Variants in NBAS observed in about 807,000 individuals in gnomAD.
NBAS encodes the protein NAG/BC035112 fusion.
Under a neutral mutation model 302.5 loss-of-function variants are expected in NBAS, and 219 were observed. The ratio of observed to expected loss-of-function variants is 0.72; its 90% confidence interval spans 0.65 to 0.81. The LOEUF is 0.81. NBAS is among the 30% of genes least tolerant of loss of function. The probability of loss-of-function intolerance (pLI) is 0.00; values close to 1 mark genes in which losing one functional copy is unlikely to be tolerated. For synonymous variants in NBAS, 1,118 were observed against 1,021.6 expected (o/e 1.09, Z -1.80); for missense variants, 2,932 against 2,841.6 (o/e 1.03, Z -0.72).
chr2:14,863,924 C>T, the NBAS span, among the ~76,000 whole-genome samples: 1 of 152,186 alleles, frequency 6.6e-6, no homozygotes. Flanking sequence ...CATATCAGTT[C>T]TTCCAGTGAG....
intron 35 of NBAS, among the ~76,000 whole-genome samples, chr2:15,336,607 C>T (rs1410494404): frequency 6.6e-6 from 1 of 151,968 alleles, no homozygotes; most frequent in Admixed American, 6.6e-5. Flanking sequence ...GCACACACCA[C>T]TAATCCCAGC....
chr2:15,444,895 CATG>C (rs1400351660), intron 21 of NBAS, among the ~76,000 whole-genome samples: 2 of 151,820 alleles, frequency 1.3e-5, no homozygotes, highest in Non-Finnish European at 2.9e-5. Flanking sequence ...CCAAAAAACA[CATG>C]AAAAAATGCT....
At chr2:15,014,251 A>G in the NBAS span, among the ~76,000 whole-genome samples, 2 of 152,202 alleles carry the variant, frequency 1.3e-5, no homozygotes, top group Non-Finnish European at 2.9e-5. Flanking sequence ...ACAGAAAATC[A>G]ACAAAGAAAC....
At chr2:15,512,888 A>G (rs1662210578) in intron 9 of NBAS, among the ~76,000 whole-genome samples, 1 of 152,162 alleles carries the variant, frequency 6.6e-6, no homozygotes, top group Non-Finnish European at 1.5e-5. Flanking sequence ...AAATGAATAT[A>G]TACCTTTTTT....
At chr2:15,189,545 A>AAGC (rs1262365737) in intron 49 of NBAS, among the ~76,000 whole-genome samples, 2 of 144,880 alleles carry the variant, frequency 1.4e-5, no homozygotes, top group South Asian at 2.4e-4. Flanking sequence ...TGCCAATGAG[A>AAGC]AGCCACAGCT....
intron 17 of NBAS, 53 bp downstream of exon 17, chr2:15,468,329 A>G (rs1679812171): frequency 2.5e-6 from 4 of 1,605,152 alleles, no homozygotes; most frequent in Non-Finnish European, 3.4e-6. Flanking sequence ...TCTCAGTACA[A>G]AAGTTTTCAC....
the NBAS span, among the ~76,000 whole-genome samples, chr2:14,882,960 A>T: frequency 2.0e-5 from 3 of 152,006 alleles, no homozygotes; most frequent in African/African-American, 7.3e-5. Context: ...TACATGAACC[A>T]CTCTGCATCC....
At chr2:15,136,373 G>A in the NBAS span, among the ~76,000 whole-genome samples, 1 of 152,204 alleles carries the variant, frequency 6.6e-6, no homozygotes, top group African/African-American at 2.4e-5. Context: ...TAGCAAATAT[G>A]CTGTGGGCCA....
intron 11 of NBAS, among the ~76,000 whole-genome samples, chr2:15,497,767 T>C (rs1166511409): frequency 2.0e-5 from 3 of 152,182 alleles, no homozygotes; most frequent in African/African-American, 7.2e-5. Context: ...TTAAGAAGTA[T>C]GGAATATATT....
chr2:15,403,910 T>C (rs921449060), intron 25 of NBAS, among the ~76,000 whole-genome samples: 14 of 25,588 alleles, frequency 5.5e-4, no homozygotes, highest in Non-Finnish European at 2.0e-3. Context: ...TCTATACACT[T>C]TTTTTTTTTT....
intron 29 of NBAS, among the ~76,000 whole-genome samples, chr2:15,382,526 G>C (rs1675089936): frequency 6.6e-6 from 1 of 152,154 alleles, no homozygotes; most frequent in South Asian, 2.1e-4. Context: ...AGTTTTCTAA[G>C]TAAAGGAAAG....
At chr2:15,097,254 G>A in the NBAS span, among the ~76,000 whole-genome samples, 1 of 152,162 alleles carries the variant, frequency 6.6e-6, no homozygotes. Flanking sequence ...AGCTGCTGGG[G>A]TGGGGGACAA....
At chr2:15,287,781 G>A (rs967043171) in intron 41 of NBAS, among the ~76,000 whole-genome samples, 6 of 151,352 alleles carry the variant, frequency 4.0e-5, no homozygotes, top group Non-Finnish European at 5.9e-5. Context: ...AGGCATCCCC[G>A]CATAAACATC....
At chr2:15,105,799 A>G in the NBAS span, among the ~76,000 whole-genome samples, 1 of 152,162 alleles carries the variant, frequency 6.6e-6, no homozygotes. Flanking sequence ...GGCAACGATT[A>G]TCAAACATGT....
At chr2:15,089,174 G>A in the NBAS span, among the ~76,000 whole-genome samples, 1 of 151,974 alleles carries the variant, frequency 6.6e-6, no homozygotes, top group Non-Finnish European at 1.5e-5. Context: ...TAGAGATAGG[G>A]GCTCACCATG....
intron 12 of NBAS, among the ~76,000 whole-genome samples, chr2:15,482,156 G>A (rs187406130): frequency 1.4e-4 from 21 of 152,260 alleles, no homozygotes; most frequent in Non-Finnish European, 2.1e-4. Context: ...ATTTAGACAA[G>A]GTTTCTCTCT....
At chr2:15,555,040 T>C (rs994293389) in intron 3 of NBAS, among the ~76,000 whole-genome samples, 1 of 151,816 alleles carries the variant, frequency 6.6e-6, no homozygotes, top group African/African-American at 2.4e-5. Flanking sequence ...CATAATTTCA[T>C]GAAATAGAAA....
chr2:14,848,994 CTG>C, the NBAS span, among the ~76,000 whole-genome samples: 1 of 150,860 alleles, frequency 6.6e-6, no homozygotes, highest in Non-Finnish European at 1.5e-5. Flanking sequence ...AACAGAAAAA[CTG>C]GAAACTCTAA....
chr2:15,555,876 T>C (rs1458711821), intron 3 of NBAS, among the ~76,000 whole-genome samples: 1 of 152,142 alleles, frequency 6.6e-6, no homozygotes, highest in Non-Finnish European at 1.5e-5. Context: ...AGCAGCAACC[T>C]GAACAAGACA....
Sources: gnomAD v4.1 joint callset for allele counts (sites outside exome capture counted in the v4.1 genomes callset) on GRCh38, gnomAD v4.1.1 for gene constraint, MANE v1.5 for transcripts, NCBI Gene and HGNC (gene_info 2026-07-23, HGNC 2026-07-21) for gene names.